DSCAM: variants seen among roughly 807,000 people sequenced by gnomAD.
The protein encoded by DSCAM is cell adhesion molecule DSCAM.
Under a neutral mutation model 217.7 loss-of-function variants are expected in DSCAM, and 47 were observed. That is an observed-to-expected ratio of 0.22 (90% CI 0.17 to 0.28). The LOEUF is 0.28. Ranked by LOEUF, DSCAM falls within the 10% of genes least tolerant of loss-of-function variation. DSCAM has a pLI of 1.00. For synonymous variants in DSCAM, 1,056 were observed against 1,015.3 expected, an observed-to-expected ratio of 1.04 and a Z score of -0.76; for missense variants, 2,080 against 2,618.3, an observed-to-expected ratio of 0.79 and a Z score of 4.49.
intron 8 of DSCAM, among the ~76,000 whole-genome samples, chr21:40,329,259 A>G (rs2123553405): frequency 6.6e-6 from 1 of 152,316 alleles, no homozygotes; most frequent in African/African-American, 2.4e-5. Context: ...TATGGATTCA[A>G]GTGGCTAAAT....
chr21:40,654,119 A>G (rs1175565486), intron 3 of DSCAM, among the ~76,000 whole-genome samples: 1 of 152,140 alleles, frequency 6.6e-6, no homozygotes, highest in Non-Finnish European at 1.5e-5. Context: ...AAAAGAAAAA[A>G]AGAAAAACCT....
At chr21:40,522,011 A>G (rs1364553878) in intron 3 of DSCAM, among the ~76,000 whole-genome samples, 1 of 152,238 alleles carries the variant, frequency 6.6e-6, no homozygotes, top group Non-Finnish European at 1.5e-5. Context: ...TTTAAAAAAT[A>G]TATTTAAAAA....
At position 40,019,056 on chromosome 21, in the gene DSCAM, T is replaced by A. The variant is rs542590733; in HGVS notation, c.5687-5670A>T. On this transcript the variant is annotated intron_variant, in intron 32 of 32. Transcript: ENST00000400454. ...ACTTACAGAGAAGAGAGCACCAGAGTAGTCAGCGGTAAGCTCTGTTATTAC... is the reference window on the plus strand; with the variant it reads ...ACTTACAGAGAAGAGAGCACCAGAGAAGTCAGCGGTAAGCTCTGTTATTAC... Among the ~76,000 whole-genome samples the A allele has an allele frequency of 2.4e-4, 36 of 152,286 alleles. 1 individual carries two copies. The South Asian group carries it at 7.5e-3, about 32-fold the overall frequency.
At chr21:40,246,500 C>T (rs1195270755) in intron 11 of DSCAM, among the ~76,000 whole-genome samples, 1 of 150,440 alleles carries the variant, frequency 6.6e-6, no homozygotes, top group Non-Finnish European at 1.5e-5. Context: ...GAGATCTCGC[C>T]ACTGCACTCC....
chr21:40,340,563 G>A (rs62223793), intron 6 of DSCAM, among the ~76,000 whole-genome samples: 1,792 of 152,236 alleles, frequency 0.012, 12 homozygotes, highest in Non-Finnish European at 0.019. Flanking sequence ...TGACATAATT[G>A]CAATCACATG....
intron 3 of DSCAM, among the ~76,000 whole-genome samples, chr21:40,585,033 T>C (rs2076933825): frequency 6.6e-6 from 1 of 152,126 alleles, no homozygotes; most frequent in Admixed American, 6.5e-5. Flanking sequence ...CTCCTCTCGC[T>C]CTTGCTTCCT....
chr21:40,605,820 T>TA lies in DSCAM; in HGVS notation c.508+86989dup, dbSNP rs869209937. ...TTTTTTTTTTTTTTTTTTTTTTTTTTAAGACAGTCTCACTGTATTGCCCAG... is the reference window on the plus strand; with the variant it reads ...TTTTTTTTTTTTTTTTTTTTTTTTTTAAAGACAGTCTCACTGTATTGCCCAG... On this transcript the variant is annotated intron_variant, in intron 3 of 32. Transcript: ENST00000400454. 9.6e-5 allele frequency among the ~76,000 whole-genome samples: 13 copies of TA among 134,982 alleles called. No individual in the cohort carries two copies. In the South Asian group the frequency reaches 1.0e-3, roughly 11 times the overall value. 88.6% of individuals were successfully genotyped at this position (134,982 alleles called of 152,430 possible).
intron 3 of DSCAM, among the ~76,000 whole-genome samples, chr21:40,621,983 AAGAG>A (rs375455798): frequency 1.0e-3 from 159 of 151,594 alleles, no homozygotes; most frequent in African/African-American, 3.2e-3. Context: ...GAGGGGAAAA[AAGAG>A]AGAGAGAGAA....
At chr21:40,593,335 T>A (rs1315172096) in intron 3 of DSCAM, among the ~76,000 whole-genome samples, 1 of 143,770 alleles carries the variant, frequency 7.0e-6, no homozygotes, top group Non-Finnish European at 1.5e-5. Context: ...TTTTTTTTCC[T>A]CTGTTTTTGA....
At chr21:40,806,126 A>G (rs959771014) in intron 1 of DSCAM, among the ~76,000 whole-genome samples, 2 of 152,228 alleles carry the variant, frequency 1.3e-5, no homozygotes, top group Middle Eastern at 3.4e-3. Flanking sequence ...TCAGCACATC[A>G]TGATTTACTA....
At chr21:40,439,995 C>G (rs889030511) in intron 3 of DSCAM, among the ~76,000 whole-genome samples, 3 of 152,130 alleles carry the variant, frequency 2.0e-5, no homozygotes, top group African/African-American at 7.2e-5. Context: ...TGCCTCAGTC[C>G]AAATCAGGGA....
intron 3 of DSCAM, among the ~76,000 whole-genome samples, chr21:40,630,994 A>C (rs141703324): frequency 6.6e-6 from 1 of 152,284 alleles, no homozygotes; most frequent in East Asian, 1.9e-4. Flanking sequence ...CTGGATAATA[A>C]AAGTATTATC....
Position 40,078,898 on chromosome 21 carries a change from A to C in DSCAM, c.4500T>G (p.Asn1500Lys). ...TRVRLNLIGWNDGGCPITSFT... is the reference protein window; with the variant it reads ...TRVRLNLIGWKDGGCPITSFT... ...AGGAGGTGATGGGGCAGCCGCCATC[A>C]TTCCAGCCAATGAGGTTCAGCCTCA... is the stretch of plus-strand genomic sequence containing the variant. Residue 1500 changes from asparagine (N) to lysine (K), a missense_variant, in exon 26 of 33, where the codon AAT (asparagine) becomes AAG (lysine). This residue lies in a region of DSCAM where 1,144 missense variants were observed against 1,421.1 expected (regional missense o/e 0.81). Coordinates refer to ENST00000400454, the MANE Select transcript of DSCAM (RefSeq NM_001389.5). The C allele has an allele frequency of 1.2e-6, 2 of 1,614,222 alleles. No individual in the cohort carries two copies. The highest frequency in any genetic ancestry group is 2.2e-5 in the South Asian group (2 of 91,084).
intron 11 of DSCAM, among the ~76,000 whole-genome samples, chr21:40,209,434 A>G (rs2091160038): frequency 6.6e-6 from 1 of 150,764 alleles, no homozygotes; most frequent in African/African-American, 2.4e-5. Flanking sequence ...TCTCTTTTCC[A>G]CTCTTACCCT....
rs547656687 is a variant in DSCAM, at chr21:40,413,736, A to G, written c.509-44491T>C. Among the ~76,000 whole-genome samples, 11 of 152,386 alleles carry G rather than the reference A, an allele frequency of 7.2e-5. 1 individual carries two copies. The highest frequency in any genetic ancestry group is 2.4e-4 in the African/African-American group (10 of 41,594). On this transcript the variant is annotated intron_variant, in intron 3 of 32. Transcript: ENST00000400454. ...TATAGAGTTACCTAATCAAGACAGT[A>G]TATTATTCACACAAAGATAAACATA...
At chr21:40,423,491 G>C (rs973488802) in intron 3 of DSCAM, among the ~76,000 whole-genome samples, 2 of 152,202 alleles carry the variant, frequency 1.3e-5, no homozygotes, top group Non-Finnish European at 2.9e-5. Context: ...GGAAAGGGGT[G>C]CAAGACACCT....
intron 2 of DSCAM, among the ~76,000 whole-genome samples, chr21:40,704,125 C>T (rs1027694935): frequency 1.3e-5 from 2 of 152,130 alleles, no homozygotes; most frequent in Non-Finnish European, 2.9e-5. Flanking sequence ...ATCACCATTA[C>T]AGTATCATAC....
rs565999239 is a variant in DSCAM at position 40,512,976 on chromosome 21, C to T, written c.509-143731G>A. Among the ~76,000 whole-genome samples the T allele has an allele frequency of 8.5e-5, 13 of 152,220 alleles. 1 individual carries two copies. The South Asian group carries it at 1.7e-3, about 19-fold the overall frequency. On this transcript the variant is annotated intron_variant, in intron 3 of 32. Coordinates refer to ENST00000400454, the MANE Select transcript of DSCAM (RefSeq NM_001389.5). ...GTGCAATGGTGCAATCTCTGCTCAC[C>T]GCAACCTCCGCCTCCCGTATTCAAG...
intron 11 of DSCAM, among the ~76,000 whole-genome samples, chr21:40,247,351 G>A (rs1477233400): frequency 6.6e-6 from 1 of 152,214 alleles, no homozygotes; most frequent in Non-Finnish European, 1.5e-5. Flanking sequence ...AGTCTCATCT[G>A]AGACAAGGCA....
Sources: gnomAD v4.1 joint callset for allele counts (sites outside exome capture counted in the v4.1 genomes callset) on GRCh38, gnomAD v4.1.1 for gene constraint, gnomAD v4.1.1 regional missense constraint, MANE v1.5 for transcripts, NCBI Gene and HGNC (gene_info 2026-07-23, HGNC 2026-07-21) for gene names.